The following CHMP4C variants were observed in gnomAD, a reference collection of about 807,000 sequenced individuals.
CHMP4C encodes charged multivesicular body protein 4C.
A neutral mutation model predicts 29.0 loss-of-function variants in CHMP4C; 28 were observed. The observed-to-expected ratio is 0.97, with a 90% CI of 0.72 to 1.32. The LOEUF is 1.32. Among genes scored for constraint, CHMP4C ranks in the 40% most tolerant of loss-of-function variants. The pLI is 0.00. For synonymous variants in CHMP4C, 106 were observed against 102.4 expected (o/e 1.04, Z -0.21); for missense variants, 291 against 281.0 (o/e 1.04, Z -0.25).
At chr8:81,745,741 C>T (rs1031528719) in intron 1 of CHMP4C, among the ~76,000 whole-genome samples, 2 of 152,262 alleles carry the variant, frequency 1.3e-5, no homozygotes, top group African/African-American at 4.8e-5. Context: ...GCTGAAGGAA[C>T]ATCACTGTTA....
At chr8:81,752,213 T>A (rs922388225) in intron 1 of CHMP4C, among the ~76,000 whole-genome samples, 1 of 152,210 alleles carries the variant, frequency 6.6e-6, no homozygotes, top group Non-Finnish European at 1.5e-5. Flanking sequence ...GCCAATTCCA[T>A]TTAATTATCA....
chr8:81,748,943 A>T (rs111260123), intron 1 of CHMP4C, among the ~76,000 whole-genome samples: 23 of 151,276 alleles, frequency 1.5e-4, no homozygotes, highest in African/African-American at 5.1e-4. Context: ...AAAAAAAAAA[A>T]ATGCAAGCTT....
Position 81,732,592 on chromosome 8 carries a change from C to A in CHMP4C, c.-35C>A, listed in dbSNP as rs1022985964. The A allele has an allele frequency of 2.0e-6, 3 of 1,489,562 alleles. No individual in the cohort carries two copies. The highest frequency in any genetic ancestry group is 2.7e-6 in the Non-Finnish European group (3 of 1,110,644). The allele number at this position is 1,489,562 out of a possible 1,614,324, so 92.3% of individuals were successfully genotyped here. A position where few individuals can be genotyped will look rare whatever the true frequency, so the allele number is the denominator to read the frequency against. ...GCGGCCCCGGGGAGCTCCCGAGAGG[C>A]CCCCGGGATCGCTGGCCCTCCGAAC... On this transcript the variant is annotated 5_prime_UTR_variant, in exon 1 of 5. Coordinates refer to ENST00000297265, the MANE Select transcript of CHMP4C (RefSeq NM_152284.4).
At chr8:81,747,169 C>T (rs6986540) in intron 1 of CHMP4C, among the ~76,000 whole-genome samples, 5,308 of 152,004 alleles carry the variant, frequency 0.035, 304 homozygotes, top group African/African-American at 0.12. Context: ...TCATGCATCA[C>T]GATTATTACA....
At chr8:81,748,917 C>G (rs373691586) in intron 1 of CHMP4C, among the ~76,000 whole-genome samples, 54 of 117,522 alleles carry the variant, frequency 4.6e-4, no homozygotes, top group African/African-American at 1.8e-3. Flanking sequence ...CAGAGTGAGA[C>G]TCTGTGTAAA....
intron 1 of CHMP4C, among the ~76,000 whole-genome samples, chr8:81,749,191 C>T (rs1342055322): frequency 6.6e-6 from 1 of 150,824 alleles, no homozygotes; most frequent in African/African-American, 2.4e-5. Flanking sequence ...TGTTGAAAGG[C>T]CACACTCTTT....
chr8:81,757,643 A>C (rs1808988908), intron 3 of CHMP4C, among the ~76,000 whole-genome samples: 2 of 152,224 alleles, frequency 1.3e-5, no homozygotes, highest in African/African-American at 4.8e-5. Flanking sequence ...ACCCAAATGC[A>C]CAGCATAATT....
intron 1 of CHMP4C, chr8:81,733,041 G>A: frequency 2.5e-6 from 1 of 404,904 alleles, no homozygotes; most frequent in Non-Finnish European, 4.4e-6. Flanking sequence ...TAATCAAGAT[G>A]AACAATACTT....
At chr8:81,744,740 T>G (rs1808801691) in intron 1 of CHMP4C, among the ~76,000 whole-genome samples, 1 of 152,218 alleles carries the variant, frequency 6.6e-6, no homozygotes. Context: ...AAATGCTTAC[T>G]GAATGATGAA....
chr8:81,747,357 G>A (rs78489080), intron 1 of CHMP4C, among the ~76,000 whole-genome samples: 10 of 150,166 alleles, frequency 6.7e-5, no homozygotes, highest in African/African-American at 2.2e-4. Flanking sequence ...AAAAAAAAAA[G>A]AGTAAAGCCT....
chr8:81,758,393 A>T, intron 4 of CHMP4C, 87 bp from the exon 5 acceptor site: 1 of 1,551,136 alleles, frequency 6.4e-7, no homozygotes, highest in Non-Finnish European at 8.9e-7. Context: ...CAAACTGAAC[A>T]CATTTTTATA....
At chr8:81,756,522 G>A (rs1808975252) in intron 3 of CHMP4C, among the ~76,000 whole-genome samples, 1 of 152,142 alleles carries the variant, frequency 6.6e-6, no homozygotes, top group South Asian at 2.1e-4. Context: ...AAAACTTTGT[G>A]TAAGTCTCTT....
chr8:81,758,616 A>G lies in CHMP4C; in HGVS notation c.*72A>G. 1 of 989,738 alleles carries G rather than the reference A, an allele frequency of 1.0e-6. No individual in the cohort carries two copies. Among genetic ancestry groups the G allele is most frequent in the Non-Finnish European group, 1.6e-6 (1 of 630,384 alleles). 61.3% of individuals were successfully genotyped at this position (989,738 alleles called of 1,614,324 possible). On this transcript the variant is annotated 3_prime_UTR_variant, in exon 5 of 5. Coordinates refer to ENST00000297265, the MANE Select transcript of CHMP4C (RefSeq NM_152284.4). Reference sequence around the variant, plus strand: ...TATAAAAAATGTTTTTACCAAGTTCAGAAGTTAACAAAGACTCTGCTTTAT... The same window carrying G: ...TATAAAAAATGTTTTTACCAAGTTCGGAAGTTAACAAAGACTCTGCTTTAT...
At position 81,759,251 on chromosome 8, in the gene CHMP4C, G is replaced by A. The variant is rs1563624796; in HGVS notation, c.*707G>A. Reference sequence around the variant, plus strand: ...TATTATACCAATTAAGCTTGGAATGGGGCAATGGATGCATTTCCCAAAACG... The same window carrying A: ...TATTATACCAATTAAGCTTGGAATGAGGCAATGGATGCATTTCCCAAAACG... On this transcript the variant is annotated 3_prime_UTR_variant, in exon 5 of 5. Coordinates refer to ENST00000297265, the MANE Select transcript of CHMP4C (RefSeq NM_152284.4). 6.6e-6 allele frequency: 1 copy of A among 152,510 alleles called. No individual in the cohort carries two copies. The highest frequency in any genetic ancestry group is 1.9e-4 in the East Asian group (1 of 5,182). The allele number at this position is 152,510 out of a possible 1,614,324, so 9.4% of individuals were successfully genotyped here. A position where few individuals can be genotyped will look rare whatever the true frequency, so the allele number is the denominator to read the frequency against.
chr8:81,757,564 C>G (rs540901915), intron 3 of CHMP4C, among the ~76,000 whole-genome samples: 14 of 152,222 alleles, frequency 9.2e-5, no homozygotes, highest in African/African-American at 3.4e-4. Context: ...TAAGATTAAA[C>G]CAGGCTCTCT....
chr8:81,732,799 G>A lies in CHMP4C; in HGVS notation c.173G>A (p.Gly58Asp). The change falls in exon 1 of 5, where the codon GGC becomes GAC. Residue 58 changes from glycine (G) to aspartate (D), a missense_variant. By Grantham distance (94) the Gly-to-Asp change is moderately conservative. Transcript: ENST00000297265. Reference sequence around the variant, plus strand: ...GAAATCGCCCTGGCCAAGAAGCACGGCACGCAGAATAAGCGAGGTAGGCTG... The same window carrying A: ...GAAATCGCCCTGGCCAAGAAGCACGACACGCAGAATAAGCGAGGTAGGCTG... ...QREIALAKKHGTQNKRAALQA... is the reference protein window; with the variant it reads ...QREIALAKKHDTQNKRAALQA... The A allele has an allele frequency of 6.2e-7, 1 of 1,612,180 alleles. No individual in the cohort carries two copies. The highest frequency in any genetic ancestry group is 8.5e-7 in the Non-Finnish European group (1 of 1,179,194).
Position 81,753,126 on chromosome 8 carries a change from A to G in CHMP4C, c.253A>G (p.Thr85Ala). The G allele has an allele frequency of 6.2e-7, 1 of 1,612,754 alleles. No individual in the cohort carries two copies. Among genetic ancestry groups the G allele is most frequent in the East Asian group, 2.2e-5 (1 of 44,858 alleles). The stretch of plus-strand genomic sequence containing the variant: ...GAAACAGCTCACTCAGATTGATGGC[A>G]CACTTTCTACCATTGAGTTCCAGAG... ...FEKQLTQIDG[T>A]LSTIEFQREA... The change falls in exon 2 of 5, where the codon ACA (threonine) becomes GCA (alanine). Residue 85 changes from threonine to alanine, a missense_variant. Physicochemically the swap from Thr to Ala is moderately conservative, Grantham distance 58. Transcript: ENST00000297265.
chr8:81,739,851 C>T (rs1808741810), intron 1 of CHMP4C, among the ~76,000 whole-genome samples: 1 of 152,210 alleles, frequency 6.6e-6, no homozygotes, highest in South Asian at 2.1e-4. Context: ...ATACCCATTT[C>T]ACTTGCCTTT....
rs141462110 is a variant in CHMP4C, at chr8:81,737,650, C to T, written c.190+4834C>T. Among the ~76,000 whole-genome samples, 1,338 of 152,288 alleles carry T rather than the reference C, an allele frequency of 8.8e-3. 8 individuals carry two copies. The highest frequency in any genetic ancestry group is 0.013 in the Non-Finnish European group (887 of 68,030). On this transcript the variant is annotated intron_variant, in intron 1 of 4. Coordinates refer to ENST00000297265, the MANE Select transcript of CHMP4C (RefSeq NM_152284.4). ...AAAGTCCCACATTTGATTTCCATCCCTGCCTGGCCACTTAGTAGCTCAATG... is the reference window on the plus strand; with the variant it reads ...AAAGTCCCACATTTGATTTCCATCCTTGCCTGGCCACTTAGTAGCTCAATG...
Sources: allele counts gnomAD v4.1 joint callset (sites outside exome capture counted in the v4.1 genomes callset), GRCh38; gene constraint gnomAD v4.1.1; transcripts MANE v1.5; gene names NCBI Gene and HGNC (gene_info 2026-07-23, HGNC 2026-07-21).